TSEN2: variants seen among roughly 807,000 people sequenced by gnomAD.
The protein encoded by TSEN2 is tRNA-splicing endonuclease subunit Sen2.
A neutral mutation model predicts 59.2 loss-of-function variants in TSEN2; 54 were observed. The observed-to-expected ratio is 0.91, with a 90% CI of 0.73 to 1.14. The LOEUF (loss-of-function observed/expected upper bound fraction) is 1.14, where lower values mean the gene tolerates loss of function less well. Ranked by LOEUF, TSEN2 falls within the 50% of genes most tolerant of loss-of-function variation. TSEN2 has a pLI of 0.00. For synonymous variants in TSEN2, 195 were observed against 198.2 expected, an observed-to-expected ratio of 0.98 and a Z score of 0.14; for missense variants, 636 against 576.2, an observed-to-expected ratio of 1.10 and a Z score of -1.06.
intron 8 of TSEN2, among the ~76,000 whole-genome samples, chr3:12,522,769 G>C (rs2056753341): frequency 6.6e-6 from 1 of 152,166 alleles, no homozygotes; most frequent in African/African-American, 2.4e-5. Context: ...TTTCATTCCA[G>C]GAGCAGTATT....
intron 6 of TSEN2, among the ~76,000 whole-genome samples, chr3:12,512,875 A>G (rs1385632461): frequency 6.6e-6 from 1 of 152,182 alleles, no homozygotes; most frequent in Admixed American, 6.6e-5. Context: ...ATTGAGATCT[A>G]TTTTTCCATT....
intron 7 of TSEN2, among the ~76,000 whole-genome samples, chr3:12,516,976 G>A (rs1575399869): frequency 1.3e-5 from 2 of 152,192 alleles, no homozygotes; most frequent in East Asian, 3.9e-4. Context: ...CCCGTATTTG[G>A]CACCTACTAT....
intron 1 of TSEN2, among the ~76,000 whole-genome samples, chr3:12,486,161 T>G (rs1404106237): frequency 6.6e-6 from 1 of 152,218 alleles, no homozygotes; most frequent in African/African-American, 2.4e-5. Flanking sequence ...TACCCACATG[T>G]GCAGCACATG....
At chr3:12,529,048 TG>T in intron 9 of TSEN2, 124 bp downstream of exon 9, 3 of 932,318 alleles carry the variant, frequency 3.2e-6, no homozygotes, top group Non-Finnish European at 5.3e-6. Flanking sequence ...TACGAATAGA[TG>T]CTATATGTTC....
rs546904336 is a variant in TSEN2, at chr3:12,523,526, CTTTTTTT to C, written c.1099+4348_1099+4354del. 3.9e-4 allele frequency among the ~76,000 whole-genome samples: 18 copies of C among 46,480 alleles called. 1 individual carries two copies. Among genetic ancestry groups the C allele is most frequent in the South Asian group, 6.0e-4 (1 of 1,678 alleles). The allele number at this position is 46,480 out of a possible 152,430, so 30.5% of individuals were successfully genotyped here. ...CTTCTCCTCATCTTCCTCTTTGATT[CTTTTTTT>C]TTTTTTTTTTTTTTTTTTGAGACAA... On this transcript the variant is annotated intron_variant, in intron 8 of 11. Coordinates refer to ENST00000284995, the MANE Select transcript of TSEN2 (RefSeq NM_025265.4).
intron 6 of TSEN2, among the ~76,000 whole-genome samples, chr3:12,515,806 A>G (rs1363686714): frequency 6.6e-6 from 1 of 152,202 alleles, no homozygotes; most frequent in Non-Finnish European, 1.5e-5. Flanking sequence ...CACTTCACCA[A>G]AGATGACTGG....
rs565632331 is a variant in TSEN2, at chr3:12,521,407, A to G, written c.1099+2210A>G. ...GCAGAGTCAAGGCTACCCAAGGTCA[A>G]CTGTAGTCAAAAAGATTCAGATATC... On this transcript the variant is annotated intron_variant, in intron 8 of 11. Coordinates refer to ENST00000284995, the MANE Select transcript of TSEN2 (RefSeq NM_025265.4). Among the ~76,000 whole-genome samples the G allele has an allele frequency of 2.6e-5, 4 of 152,338 alleles. No homozygotes were observed. The East Asian group carries it at 7.7e-4, about 29-fold the overall frequency.
At chr3:12,481,576 C>T (rs2052194427), upstream of TSEN2, among the ~76,000 whole-genome samples, 1 of 152,026 alleles carries the variant, frequency 6.6e-6, no homozygotes, top group Non-Finnish European at 1.5e-5. Flanking sequence ...GTCTGGTGTT[C>T]CCCACCCAAG....
At position 12,511,521 on chromosome 3, in the gene TSEN2, A is replaced by G. The variant is rs965204182; in HGVS notation, c.910-5090A>G. Among the ~76,000 whole-genome samples the G allele has an allele frequency of 2.6e-5, 4 of 152,164 alleles. 1 individual carries two copies. The highest frequency in any genetic ancestry group is 2.6e-4 in the Admixed American group (4 of 15,280). ...ATAAACCAAAATAAATTTCAGGTCAATTAAAGATATAAAGGGAAATTTGAA... is the reference window on the plus strand; with the variant it reads ...ATAAACCAAAATAAATTTCAGGTCAGTTAAAGATATAAAGGGAAATTTGAA... On this transcript the variant is annotated intron_variant, in intron 6 of 11. Coordinates refer to ENST00000284995, the MANE Select transcript of TSEN2 (RefSeq NM_025265.4).
intron 2 of TSEN2, among the ~76,000 whole-genome samples, chr3:12,491,081 C>T (rs986109847): frequency 2.0e-5 from 3 of 152,136 alleles, no homozygotes; most frequent in African/African-American, 7.2e-5. Flanking sequence ...ACCTCTACCT[C>T]CCAGGTTCAA....
intron 4 of TSEN2, among the ~76,000 whole-genome samples, chr3:12,498,059 C>T (rs984961877): frequency 3.3e-5 from 5 of 151,252 alleles, no homozygotes; most frequent in African/African-American, 1.2e-4. Flanking sequence ...TGTCTTTGTC[C>T]AAATTTTCCT....
intron 8 of TSEN2, among the ~76,000 whole-genome samples, chr3:12,523,525 T>TC (rs2056820200): frequency 7.4e-6 from 1 of 134,294 alleles, no homozygotes; most frequent in African/African-American, 3.1e-5. Flanking sequence ...CCTCTTTGAT[T>TC]CTTTTTTTTT....
At chr3:12,498,874 A>G (rs1217547466) in intron 4 of TSEN2, among the ~76,000 whole-genome samples, 1 of 152,208 alleles carries the variant, frequency 6.6e-6, no homozygotes, top group South Asian at 2.1e-4. Context: ...AGAAAAATTG[A>G]TGCATGTTCA....
intron 10 of TSEN2, 73 bp downstream of exon 10, chr3:12,529,946 T>C: frequency 1.3e-6 from 2 of 1,569,056 alleles, no homozygotes; most frequent in South Asian, 1.2e-5. Context: ...TTAAATGTAG[T>C]AGAATCAAAA....
rs1379074331 is a variant in TSEN2, at chr3:12,484,860, G to C, written c.-38G>C. The C allele has an allele frequency of 6.6e-6, 1 of 152,402 alleles. No homozygotes were observed. Among genetic ancestry groups the C allele is most frequent in the Non-Finnish European group, 1.5e-5 (1 of 68,182 alleles). The allele number at this position is 152,402 out of a possible 1,614,324, so 9.4% of individuals were successfully genotyped here. A position where few individuals can be genotyped will look rare whatever the true frequency, so the allele number is the denominator to read the frequency against. On this transcript the variant is annotated 5_prime_UTR_variant, in exon 1 of 12. Transcript: ENST00000284995. ...TGGAGTTCGGTCGGGTGTGGGGGTA[G>C]TCAAGGAAAGAAGCAAAGGGGTAAG... is the stretch of plus-strand genomic sequence containing the variant.
At chr3:12,521,485 C>G (rs2056631856) in intron 8 of TSEN2, among the ~76,000 whole-genome samples, 1 of 152,166 alleles carries the variant, frequency 6.6e-6, no homozygotes, top group African/African-American at 2.4e-5. Context: ...GAGGCCGAGG[C>G]AGGTGGGTCA....
intron 6 of TSEN2, among the ~76,000 whole-genome samples, chr3:12,513,150 G>A (rs1467165637): frequency 6.6e-6 from 1 of 152,134 alleles, no homozygotes; most frequent in Non-Finnish European, 1.5e-5. Context: ...CACCATTTTA[G>A]GCCAATAAAA....
At chr3:12,496,075 C>T (rs1032620053) in intron 3 of TSEN2, among the ~76,000 whole-genome samples, 1 of 152,216 alleles carries the variant, frequency 6.6e-6, no homozygotes, top group Non-Finnish European at 1.5e-5. Flanking sequence ...ACATCCAAAA[C>T]CAACACTGCA....
At chr3:12,516,791 C>T in intron 7 of TSEN2, 130 bp downstream of exon 7, 1 of 1,042,694 alleles carries the variant, frequency 9.6e-7, no homozygotes, top group Admixed American at 2.1e-5. Context: ...TTGAATTTTT[C>T]TCTAAAGTTT....
Sources: gnomAD v4.1 joint callset for allele counts (sites outside exome capture counted in the v4.1 genomes callset) on GRCh38, gnomAD v4.1.1 for gene constraint, MANE v1.5 for transcripts, NCBI Gene and HGNC (gene_info 2026-07-23, HGNC 2026-07-21) for gene names.